DCAF10: variants seen among roughly 807,000 people sequenced by gnomAD.
The protein encoded by DCAF10 is DDB1- and CUL4-associated factor 10.
DCAF10 carries 19 observed loss-of-function variants against 51.9 expected under a neutral mutation model. The ratio of observed to expected loss-of-function variants is 0.37; its 90% CI spans 0.26 to 0.54. DCAF10 has a LOEUF of 0.54. Ranked by LOEUF, DCAF10 falls within the 20% of genes least tolerant of loss-of-function variation. The probability of loss-of-function intolerance (pLI) is 0.87; values close to 1 mark genes in which losing one functional copy is unlikely to be tolerated. For synonymous variants in DCAF10, 291 were observed against 297.1 expected, an observed-to-expected ratio of 0.98 and a Z score of 0.21; for missense variants, 510 against 730.6, an observed-to-expected ratio of 0.70 and a Z score of 3.48.
intron 1 of DCAF10, among the ~76,000 whole-genome samples, chr9:37,804,612 A>G (rs1225374580): frequency 9.9e-5 from 15 of 152,098 alleles, no homozygotes; most frequent in Non-Finnish European, 2.9e-5. Context: ...CCCTGTCTCT[A>G]CTAAAAATAC....
chr9:37,801,763 C>A lies in DCAF10; in HGVS notation c.539+358C>A, dbSNP rs1828956923. Reference sequence around the variant, plus strand: ...TTTGAATAAATGCCCGCTTTCTCCCCATCATCCTAGGCTCGCGTTTTCCTA... The same window carrying A: ...TTTGAATAAATGCCCGCTTTCTCCCAATCATCCTAGGCTCGCGTTTTCCTA... On this transcript the variant is annotated intron_variant, in intron 1 of 6. Transcript: ENST00000377724. The surrounding 1 kb of genome is among the most constrained non-coding windows in gnomAD (Gnocchi z 5.5). 6.6e-6 allele frequency among the ~76,000 whole-genome samples: 1 copy of A among 152,202 alleles called. No individual in the cohort carries two copies. Among genetic ancestry groups the A allele is most frequent in the Non-Finnish European group, 1.5e-5 (1 of 68,038 alleles).
chr9:37,867,163 G>C lies in DCAF10; in HGVS notation c.*5655G>C, dbSNP rs953817977. 1 of 152,006 alleles carries C rather than the reference G, an allele frequency of 6.6e-6. No individual in the cohort carries two copies. The highest frequency in any genetic ancestry group is 1.5e-5 in the Non-Finnish European group (1 of 68,008). 9.4% of individuals were successfully genotyped at this position (152,006 alleles called of 1,614,324 possible). A position where few individuals can be genotyped will look rare whatever the true frequency, so the allele number is the denominator to read the frequency against. ...ACGCTGCTCTCTTGTAAATGAACTA[G>C]GGATAAAGATATGGGTTTTATCAAA... On this transcript the variant is annotated 3_prime_UTR_variant, in exon 7 of 7. Coordinates refer to ENST00000377724, the MANE Select transcript of DCAF10 (RefSeq NM_024345.5).
intron 2 of DCAF10, among the ~76,000 whole-genome samples, chr9:37,832,918 C>T (rs540097473): frequency 4.9e-4 from 75 of 152,242 alleles, no homozygotes; most frequent in Non-Finnish European, 9.7e-4. Context: ...GGGTCTTGCT[C>T]TGTTACCTAG....
intron 1 of DCAF10, among the ~76,000 whole-genome samples, chr9:37,811,094 C>T (rs1275783952): frequency 3.9e-5 from 6 of 151,992 alleles, no homozygotes; most frequent in African/African-American, 1.4e-4. Context: ...CTTTGGGAGG[C>T]TGAGGAGGGA....
chr9:37,835,612 C>G (rs1193473801), intron 2 of DCAF10, among the ~76,000 whole-genome samples: 1 of 151,646 alleles, frequency 6.6e-6, no homozygotes, highest in African/African-American at 2.4e-5. Context: ...GTGGCGGGCA[C>G]CTGTAATCCC....
At position 37,863,497 on chromosome 9, in the gene DCAF10, C is replaced by T. The variant is rs1175363771; in HGVS notation, c.*1989C>T. ...ATTATTTGACAAATGAGAGAAGTGA[C>T]ATGACTTGCCTAAGGTCATCCTGCA... On this transcript the variant is annotated 3_prime_UTR_variant, in exon 7 of 7. Transcript: ENST00000377724. 6.6e-6 allele frequency: 1 copy of T among 152,102 alleles called. No homozygotes were observed. The allele number at this position is 152,102 out of a possible 1,614,324, so 9.4% of individuals were successfully genotyped here. A position where few individuals can be genotyped will look rare whatever the true frequency, so the allele number is the denominator to read the frequency against.
intron 5 of DCAF10, 112 bp downstream of exon 5, chr9:37,857,463 A>G (rs934104438): frequency 6.7e-6 from 5 of 741,510 alleles, no homozygotes; most frequent in South Asian, 2.5e-5. Context: ...AATAAAAGCA[A>G]TGGAGATGAG....
chr9:37,814,301 CTTTT>C (rs61692599), intron 1 of DCAF10, among the ~76,000 whole-genome samples: 1 of 101,020 alleles, frequency 9.9e-6, no homozygotes, highest in Non-Finnish European at 2.0e-5. Flanking sequence ...ACCACGCCGG[CTTTT>C]TTTTTTTTTT....
intron 2 of DCAF10, among the ~76,000 whole-genome samples, chr9:37,835,282 A>T (rs1830123814): frequency 6.6e-6 from 1 of 152,024 alleles, no homozygotes. Context: ...TAAAAATGTA[A>T]AAAAAATTAG....
chr9:37,865,651 T>A lies in DCAF10; in HGVS notation c.*4143T>A, dbSNP rs1420880527. On this transcript the variant is annotated 3_prime_UTR_variant, in exon 7 of 7. Coordinates refer to ENST00000377724, the MANE Select transcript of DCAF10 (RefSeq NM_024345.5). ...TTTAATGAGTTAGGGACATCAAATA[T>A]ATAGTAGTTCCTTATTTTCAGTTGT... 1 of 152,206 alleles carries A rather than the reference T, an allele frequency of 6.6e-6. No homozygotes were observed. Among genetic ancestry groups the A allele is most frequent in the Admixed American group, 6.5e-5 (1 of 15,282 alleles). 9.4% of individuals were successfully genotyped at this position (152,206 alleles called of 1,614,324 possible). A position where few individuals can be genotyped will look rare whatever the true frequency, so the allele number is the denominator to read the frequency against.
At chr9:37,848,930 G>T (rs541565808) in intron 3 of DCAF10, among the ~76,000 whole-genome samples, 2 of 144,772 alleles carry the variant, frequency 1.4e-5, no homozygotes, top group African/African-American at 5.2e-5. Flanking sequence ...TCAAGATCAC[G>T]CCACTGCTCT....
At chr9:37,831,873 G>A (rs1000019794) in intron 2 of DCAF10, among the ~76,000 whole-genome samples, 2 of 151,080 alleles carry the variant, frequency 1.3e-5, no homozygotes, top group South Asian at 2.1e-4. Flanking sequence ...GCTTGAACCT[G>A]GGAGGCGGAG....
At chr9:37,823,599 C>CG (rs35811393) in intron 2 of DCAF10, among the ~76,000 whole-genome samples, 2 of 151,118 alleles carry the variant, frequency 1.3e-5, no homozygotes, top group African/African-American at 4.9e-5. Flanking sequence ...GTTTTTTTGG[C>CG]GGGGGGTACA....
Position 37,800,834 on chromosome 9 carries a change from A to G in DCAF10, c.-33A>G. 6.7e-7 allele frequency: 1 copy of G among 1,486,294 alleles called. No individual in the cohort carries two copies. Among genetic ancestry groups the G allele is most frequent in the Middle Eastern group, 2.2e-4 (1 of 4,458 alleles). The allele number at this position is 1,486,294 out of a possible 1,614,324, so 92.1% of individuals were successfully genotyped here. A position where few individuals can be genotyped will look rare whatever the true frequency, so the allele number is the denominator to read the frequency against. ...GCACTGAGGTGTCGGCCGGCGGGGCAGTGGCCCGGAGCGGGGGGCGGGGGC... is the reference window on the plus strand; with the variant it reads ...GCACTGAGGTGTCGGCCGGCGGGGCGGTGGCCCGGAGCGGGGGGCGGGGGC... On this transcript the variant is annotated 5_prime_UTR_variant, in exon 1 of 7. Transcript: ENST00000377724.
intron 2 of DCAF10, among the ~76,000 whole-genome samples, chr9:37,839,186 G>C (rs1459254226): frequency 6.6e-6 from 1 of 151,822 alleles, no homozygotes; most frequent in African/African-American, 2.4e-5. Flanking sequence ...CAGCCTCCGA[G>C]TAGCTGGGAT....
Position 37,829,480 on chromosome 9 carries a change from A to G in DCAF10, c.653+10079A>G, listed in dbSNP as rs903804235. ...ATAAAATAAAATAAAACAAAAAACT[A>G]CAATGAAGAATAACTACAGAAAGAT... is the stretch of plus-strand genomic sequence containing the variant. On this transcript the variant is annotated intron_variant, in intron 2 of 6. Transcript: ENST00000377724. The surrounding 1 kb of genome is among the most constrained non-coding windows in gnomAD (Gnocchi z 4.2). Among the ~76,000 whole-genome samples, 4 of 152,114 alleles carry G rather than the reference A, an allele frequency of 2.6e-5. No homozygotes were observed. Among genetic ancestry groups the G allele is most frequent in the African/African-American group, 9.7e-5 (4 of 41,430 alleles).
intron 1 of DCAF10, among the ~76,000 whole-genome samples, chr9:37,812,635 CT>C (rs970812530): frequency 6.6e-5 from 10 of 151,960 alleles, no homozygotes; most frequent in African/African-American, 1.9e-4. Flanking sequence ...TGAATGTGAA[CT>C]TTTTTTTCAT....
At chr9:37,850,540 A>G (rs1035283549) in intron 3 of DCAF10, among the ~76,000 whole-genome samples, 3 of 152,108 alleles carry the variant, frequency 2.0e-5, no homozygotes, top group African/African-American at 4.8e-5. Context: ...AAAGACAAAT[A>G]TCACTTACAT....
chr9:37,848,749 G>T (rs1350610859), intron 3 of DCAF10, among the ~76,000 whole-genome samples: 1 of 151,792 alleles, frequency 6.6e-6, no homozygotes, highest in Non-Finnish European at 1.5e-5. Context: ...AGGGAGGGTG[G>T]ATCACCTGAG....
Sources: gnomAD v4.1 joint callset for allele counts (sites outside exome capture counted in the v4.1 genomes callset) on GRCh38, gnomAD v4.1.1 for gene constraint, Gnocchi (gnomAD v3.1) non-coding constraint, MANE v1.5 for transcripts, NCBI Gene and HGNC (gene_info 2026-07-23, HGNC 2026-07-21) for gene names.